OAS1: variants seen among roughly 807,000 people sequenced by gnomAD.
The protein encoded by OAS1 is 2'-5'-oligoadenylate synthase 1.
A neutral mutation model predicts 38.5 loss-of-function variants in OAS1; 24 were observed. That is an observed-to-expected ratio of 0.62 (90% CI 0.45 to 0.88). The LOEUF is 0.88. Ranked by LOEUF, OAS1 falls within the 40% of genes least tolerant of loss-of-function variation. The pLI is 0.00. For missense variants in OAS1, 482 were observed against 493.9 expected (o/e 0.98, Z 0.23); for synonymous variants, 169 against 193.9 (o/e 0.87, Z 1.07).
rs750490043 is a variant in OAS1 at position 112,917,682 on chromosome 12, G to T, written c.1020G>T (p.Val340=). Residue 340 remains valine (V), a synonymous_variant, in exon 5 of 6, where the codon GTG becomes GTT. Coordinates refer to ENST00000202917, the MANE Select transcript of OAS1 (RefSeq NM_016816.4). ...PCFKNWDGSP[V]SSWILLAESN... ...TTAAGAATTGGGATGGGTCCCCAGT[G>T]AGCTCCTGGATTCTGCTGGTGAGAC... 1.9e-6 allele frequency: 3 copies of T among 1,614,204 alleles called. No homozygotes were observed. The South Asian group carries it at 3.3e-5, about 18-fold the overall frequency.
chr12:112,914,283 G>A (rs570191139), intron 3 of OAS1, among the ~76,000 whole-genome samples: 1 of 152,302 alleles, frequency 6.6e-6, no homozygotes, highest in African/African-American at 2.4e-5. Flanking sequence ...TTTTATGGTT[G>A]AGTAGTATTC....
rs142507495 is a variant in OAS1 at position 112,919,350 on chromosome 12, G to A, written c.1039-39G>A. 285 of 1,561,288 alleles carry A rather than the reference G, an allele frequency of 1.8e-4. 4 individuals carry two copies. The Admixed American group carries it at 4.8e-3, about 27-fold the overall frequency. On this transcript the variant is annotated intron_variant, in intron 5 of 5. Transcript: ENST00000202917. ...CTCACTGAATCCAGCTGCAATGCAG[G>A]AAGACTCCCTGATGTGATCATGTGT...
At chr12:112,911,877 C>T (rs1593156550) in intron 3 of OAS1, among the ~76,000 whole-genome samples, 1 of 152,330 alleles carries the variant, frequency 6.6e-6, no homozygotes, top group East Asian at 1.9e-4. Flanking sequence ...ATACAATTTT[C>T]TGTTCACTTT....
intron 6 of OAS1, among the ~76,000 whole-genome samples, chr12:112,929,538 A>G (rs2384071): frequency 0.74 from 113,148 of 152,132 alleles, 43,373 homozygotes; most frequent in African/African-American, 0.94. Context: ...TCAGGCAATG[A>G]GATTTTATTT....
At chr12:112,910,930 C>A in intron 2 of OAS1, 121 bp from the exon 3 acceptor site, 1 of 893,556 alleles carries the variant, frequency 1.1e-6, no homozygotes, top group Non-Finnish European at 1.7e-6. Flanking sequence ...CAAGACTTCC[C>A]AGCCCTGGGT....
chr12:112,913,999 G>T (rs2136310393), intron 3 of OAS1, among the ~76,000 whole-genome samples: 1 of 152,120 alleles, frequency 6.6e-6, no homozygotes, highest in East Asian at 1.9e-4. Context: ...TTGGTTACAT[G>T]AATAAGTTCT....
chr12:112,925,368 C>A (rs527995557), intron 6 of OAS1, among the ~76,000 whole-genome samples: 1 of 152,282 alleles, frequency 6.6e-6, no homozygotes, highest in African/African-American at 2.4e-5. Context: ...CTCTCCCAGC[C>A]AACCGCAGGC....
intron 1 of OAS1, 47 bp from the exon 2 acceptor site, chr12:112,908,489 G>T (rs1269345821): frequency 6.4e-7 from 1 of 1,560,658 alleles, no homozygotes; most frequent in East Asian, 2.2e-5. Context: ...TATTTAGGGA[G>T]GTTTGCCTCA....
chr12:112,918,019 C>A, intron 5 of OAS1: 1 of 1,020,984 alleles, frequency 9.8e-7, no homozygotes, highest in Non-Finnish European at 1.3e-6. Flanking sequence ...ATTAAATAGT[C>A]ACAACAATCC....
At chr12:112,932,847 A>T (rs981371808), downstream of OAS1, 9 of 152,168 alleles carry the variant, frequency 5.9e-5, no homozygotes, top group African/African-American at 2.2e-4. Context: ...TGTGCTCTTA[A>T]TCTCCACCCT....
chr12:112,932,802 G>A (rs1478469658), downstream of OAS1: 1 of 152,182 alleles, frequency 6.6e-6, no homozygotes, highest in Non-Finnish European at 1.5e-5. Flanking sequence ...TGGCAGAGCT[G>A]GGATGCAAAC....
chr12:112,914,870 C>T (rs1480244166), intron 3 of OAS1, among the ~76,000 whole-genome samples: 2 of 151,554 alleles, frequency 1.3e-5, no homozygotes, highest in Non-Finnish European at 2.9e-5. Context: ...AGGTATATCT[C>T]CTAATGCTAT....
At chr12:112,907,607 A>G (rs762070719) in intron 1 of OAS1, 11 of 184,600 alleles carry the variant, frequency 6.0e-5, no homozygotes, top group Non-Finnish European at 1.3e-4. Flanking sequence ...TTGAAAGCAA[A>G]TAGCACCTGC....
chr12:112,913,001 T>G (rs1476382217), intron 3 of OAS1, among the ~76,000 whole-genome samples: 2 of 152,234 alleles, frequency 1.3e-5, no homozygotes, highest in Non-Finnish European at 2.9e-5. Flanking sequence ...GTCTTACACC[T>G]CTAACATTCC....
In OAS1 at chr12:112,907,092, A is replaced by G. The variant is rs373546690; in HGVS notation, c.53A>G (p.Asp18Gly). The G allele has an allele frequency of 1.7e-5, 27 of 1,614,104 alleles. No homozygotes were observed. In the African/African-American group the frequency reaches 2.7e-4, roughly 16 times the overall value. ...PAKSLDKFIE[D>G]YLLPDTCFRM... ...AAATCTCTGGACAAGTTCATTGAAG[A>G]CTATCTCTTGCCAGACACGTGTTTC... The change falls in exon 1 of 6, where the codon GAC (aspartate) becomes GGC (glycine). Residue 18 changes from aspartate (D) to glycine (G), a missense_variant. Asp to Gly is a moderately conservative substitution (Grantham distance 94). Transcript: ENST00000202917.
At chr12:112,926,732 A>G (rs1437698560) in intron 6 of OAS1, among the ~76,000 whole-genome samples, 1 of 152,166 alleles carries the variant, frequency 6.6e-6, no homozygotes, top group Non-Finnish European at 1.5e-5. Flanking sequence ...AAACATCTTA[A>G]CAGTGTTCAA....
chr12:112,926,714 T>C (rs1420422832), intron 6 of OAS1, among the ~76,000 whole-genome samples: 1 of 152,314 alleles, frequency 6.6e-6, no homozygotes, highest in African/African-American at 2.4e-5. Context: ...GCATGCATTG[T>C]CATTGATAAA....
downstream of OAS1, among the ~76,000 whole-genome samples, chr12:112,920,487 CT>C (rs2043522364): frequency 6.6e-6 from 1 of 152,174 alleles, no homozygotes; most frequent in African/African-American, 2.4e-5. Context: ...AACTTCATCT[CT>C]TTCTTTTCCC....
chr12:112,910,930 C>T, intron 2 of OAS1, 121 bp from the exon 3 acceptor site: 1 of 893,556 alleles, frequency 1.1e-6, no homozygotes, highest in Non-Finnish European at 1.7e-6. Flanking sequence ...CAAGACTTCC[C>T]AGCCCTGGGT....
Sources: allele counts gnomAD v4.1 joint callset (sites outside exome capture counted in the v4.1 genomes callset), GRCh38; gene constraint gnomAD v4.1.1; transcripts MANE v1.5; gene names NCBI Gene and HGNC (gene_info 2026-07-23, HGNC 2026-07-21).